The following DOP1A variants were observed in gnomAD, a reference collection of about 807,000 sequenced individuals.
DOP1A encodes the protein DOP1 leucine zipper like protein A.
Under a neutral mutation model 267.6 loss-of-function variants are expected in DOP1A, and 90 were observed. The observed-to-expected ratio is 0.34, with a 90% CI of 0.28 to 0.40. The LOEUF is 0.40. DOP1A is among the 10% of genes least tolerant of loss of function. DOP1A has a pLI of 1.00. For missense variants in DOP1A, 2,437 were observed against 2,900.4 expected, an observed-to-expected ratio of 0.84 and a Z score of 3.67; for synonymous variants, 932 against 999.1, an observed-to-expected ratio of 0.93 and a Z score of 1.27.
chr6:83,119,146 A>G (rs1775935337), intron 8 of DOP1A, among the ~76,000 whole-genome samples, 159 bp downstream of exon 8: 1 of 152,200 alleles, frequency 6.6e-6, no homozygotes, highest in Non-Finnish European at 1.5e-5. Context: ...TGTGTATTGT[A>G]TGAAGAAATT....
chr6:83,109,074 A>G lies in DOP1A; in HGVS notation c.485A>G (p.Tyr162Cys), dbSNP rs145763302. The G allele has an allele frequency of 4.4e-5, 71 of 1,610,864 alleles. No individual in the cohort carries two copies. The highest frequency in any genetic ancestry group is 5.7e-5 in the Non-Finnish European group (67 of 1,179,310). ...LPGLEEGSEY[Y>C]ERTNMLLEKV... ...GGCTTAGAAGAAGGATCAGAGTACT[A>G]TGAGAGGTAAGATCATATTTGGTGC... is the stretch of plus-strand genomic sequence containing the variant. The change falls in exon 5 of 39, where the codon TAT becomes TGT. Residue 162 changes from tyrosine to cysteine, a missense_variant. Tyr to Cys is a radical substitution (Grantham distance 194). This residue lies in a region of DOP1A where 251 missense variants were observed against 359.1 expected (regional missense o/e 0.70). Transcript: ENST00000349129.
intron 1 of DOP1A, among the ~76,000 whole-genome samples, chr6:83,090,717 C>T (rs1422519472): frequency 4.6e-5 from 7 of 152,126 alleles, no homozygotes; most frequent in Non-Finnish European, 8.8e-5. Context: ...AAATACTGAT[C>T]TTTCACTACA....
At chr6:83,097,576 A>T (rs1771722137) in intron 3 of DOP1A, among the ~76,000 whole-genome samples, 1 of 152,200 alleles carries the variant, frequency 6.6e-6, no homozygotes, top group South Asian at 2.1e-4. Context: ...ACTTTTTACA[A>T]AGGCGAGTAT....
intron 4 of DOP1A, 124 bp from the exon 5 acceptor site, chr6:83,108,786 T>C (rs1466121806): frequency 6.7e-6 from 6 of 892,626 alleles, no homozygotes; most frequent in Non-Finnish European, 9.8e-6. Flanking sequence ...TATACAGGTA[T>C]CATTTTTAAG....
intron 1 of DOP1A, among the ~76,000 whole-genome samples, chr6:83,071,403 C>T (rs1319925634): frequency 1.3e-5 from 2 of 152,042 alleles, no homozygotes; most frequent in East Asian, 1.9e-4. Context: ...GACAGGGTTT[C>T]GCCATGTTGG....
At chr6:83,089,146 A>G (rs1769864539) in intron 1 of DOP1A, among the ~76,000 whole-genome samples, 1 of 152,174 alleles carries the variant, frequency 6.6e-6, no homozygotes. Flanking sequence ...TTTTGTGGCA[A>G]AGGAAGGAGA....
rs1444465345 is a variant in DOP1A at position 83,122,017 on chromosome 6, C to T, written c.1187C>T (p.Pro396Leu). ...CKAELDLQTE[P>L]PFSKDHAQLS... ...GCAGAGTTGGATCTTCAAACTGAAC[C>T]ACCCTTCAGCAAGGATCATGCTCAG... Residue 396 changes from proline (P) to leucine (L), a missense_variant, in exon 11 of 39, where the codon CCA becomes CTA. Around this residue, in one of 9 missense-constraint regions of DOP1A, gnomAD observed 498 missense variants for 513.5 expected, o/e 0.97. Transcript: ENST00000349129. The T allele has an allele frequency of 6.2e-7, 1 of 1,611,302 alleles. No homozygotes were observed. The highest frequency in any genetic ancestry group is 8.5e-7 in the Non-Finnish European group (1 of 1,178,052).
At chr6:83,166,629 T>C in intron 38 of DOP1A, 2 of 918,146 alleles carry the variant, frequency 2.2e-6, no homozygotes, top group Non-Finnish European at 3.0e-6. Context: ...TGTACTCCAA[T>C]ATAAAACGGC....
intron 1 of DOP1A, among the ~76,000 whole-genome samples, chr6:83,094,317 G>C (rs974399781): frequency 1.3e-5 from 2 of 152,058 alleles, no homozygotes; most frequent in Non-Finnish European, 2.9e-5. Context: ...TGAATATTTG[G>C]GTTATTTCTT....
intron 23 of DOP1A, among the ~76,000 whole-genome samples, chr6:83,141,315 G>A (rs983235688): frequency 3.9e-5 from 6 of 152,256 alleles, no homozygotes; most frequent in East Asian, 1.9e-4. Flanking sequence ...TCTCAGGATG[G>A]TGGGATAACT....
chr6:83,104,298 G>A (rs1006029139), intron 4 of DOP1A, among the ~76,000 whole-genome samples: 6 of 151,944 alleles, frequency 3.9e-5, no homozygotes, highest in Non-Finnish European at 7.4e-5. Flanking sequence ...GTATTGACTA[G>A]GGTCTATAGT....
At chr6:83,125,100 G>T in intron 13 of DOP1A, 66 bp from the exon 14 acceptor site, 2 of 1,400,268 alleles carry the variant, frequency 1.4e-6, no homozygotes, top group South Asian at 1.3e-5. Context: ...TCTATTAAAT[G>T]AAGACTTTTG....
intron 27 of DOP1A, among the ~76,000 whole-genome samples, chr6:83,150,316 T>C (rs1256998351): frequency 6.6e-6 from 1 of 152,180 alleles, no homozygotes; most frequent in Non-Finnish European, 1.5e-5. Flanking sequence ...GGTGTTGGAA[T>C]CATCACCAAA....
rs539449850 is a variant in DOP1A, at chr6:83,165,605, T to C, written c.7093-2257T>C. ...CCATGCTTCCAAATTTGACGAACTC[T>C]TGGAAAGCATTTTCTGTGTCCTGCT... On this transcript the variant is annotated intron_variant, in intron 38 of 38. Coordinates refer to ENST00000349129, the MANE Select transcript of DOP1A (RefSeq NM_015018.4). The C allele has an allele frequency of 2.2e-5, 4 of 178,674 alleles. No homozygotes were observed. The South Asian group carries it at 4.9e-4, about 22-fold the overall frequency. 11.1% of individuals were successfully genotyped at this position (178,674 alleles called of 1,614,324 possible). A position where few individuals can be genotyped will look rare whatever the true frequency, so the allele number is the denominator to read the frequency against.
intron 36 of DOP1A, among the ~76,000 whole-genome samples, chr6:83,159,359 G>A (rs1442175750): frequency 3.3e-5 from 5 of 151,786 alleles, no homozygotes; most frequent in African/African-American, 4.8e-5. Context: ...TTGCAGCCTC[G>A]ACCTCCCAGG....
chr6:83,127,008 T>C (rs1380181109), intron 15 of DOP1A, among the ~76,000 whole-genome samples: 2 of 152,072 alleles, frequency 1.3e-5, no homozygotes, highest in Non-Finnish European at 2.9e-5. Flanking sequence ...TTATGCTGAG[T>C]CAGTTCCTGG....
intron 1 of DOP1A, among the ~76,000 whole-genome samples, chr6:83,084,957 G>A (rs1768816849): frequency 6.6e-6 from 1 of 152,056 alleles, no homozygotes; most frequent in Non-Finnish European, 1.5e-5. Flanking sequence ...AGATAGTTAT[G>A]TTTAATACAG....
chr6:83,069,871 A>T (rs530428377), intron 1 of DOP1A, among the ~76,000 whole-genome samples: 30 of 152,204 alleles, frequency 2.0e-4, no homozygotes, highest in Non-Finnish European at 3.7e-4. Flanking sequence ...CCTTATAGTC[A>T]TGCATTCCTA....
Position 83,135,800 on chromosome 6 carries a change from C to G in DOP1A, c.3052C>G (p.Arg1018Gly). Residue 1018 changes from arginine to glycine, a missense_variant, in exon 20 of 39, where the codon CGT becomes GGT. Arg to Gly is a moderately radical substitution (Grantham distance 125). Around this residue, in one of 9 missense-constraint regions of DOP1A, gnomAD observed 878 missense variants for 992.9 expected, o/e 0.88. Coordinates refer to ENST00000349129, the MANE Select transcript of DOP1A (RefSeq NM_015018.4). Reference protein sequence around the residue: ...RVSVQRVQAERYWNKSPCYPG... With the variant: ...RVSVQRVQAEGYWNKSPCYPG... ...TTCAGTACAGCGTGTACAAGCAGAACGTTATTGGAATAAGTCTCCCTGTTA... is the reference window on the plus strand; with the variant it reads ...TTCAGTACAGCGTGTACAAGCAGAAGGTTATTGGAATAAGTCTCCCTGTTA... 1 of 1,613,370 alleles carries G rather than the reference C, an allele frequency of 6.2e-7. No homozygotes were observed. The highest frequency in any genetic ancestry group is 8.5e-7 in the Non-Finnish European group (1 of 1,179,636).
Sources: gnomAD v4.1 joint callset for allele counts (sites outside exome capture counted in the v4.1 genomes callset) on GRCh38, gnomAD v4.1.1 for gene constraint, gnomAD v4.1.1 regional missense constraint, MANE v1.5 for transcripts, NCBI Gene and HGNC (gene_info 2026-07-23, HGNC 2026-07-21) for gene names.